LIMCH1: variants seen among roughly 807,000 people sequenced by gnomAD.
The protein encoded by LIMCH1 is LIM and calponin homology domains 1.
LIMCH1 carries 113 observed loss-of-function variants against 176.5 expected under a neutral mutation model. That is an observed-to-expected ratio of 0.64 (90% CI 0.55 to 0.75). The LOEUF (loss-of-function observed/expected upper bound fraction) is 0.75. Ranked by LOEUF, LIMCH1 falls within the 30% of genes least tolerant of loss-of-function variation. LIMCH1 has a pLI of 0.00. For synonymous variants in LIMCH1, 619 were observed against 645.9 expected, an observed-to-expected ratio of 0.96 and a Z score of 0.63; for missense variants, 1,674 against 1,814.9, an observed-to-expected ratio of 0.92 and a Z score of 1.41.
chr4:41,360,749 G>A, upstream of LIMCH1: 1 of 891,158 alleles, frequency 1.1e-6, no homozygotes, highest in Non-Finnish European at 1.6e-6. This position sits in a 1 kb window ranked among gnomAD's most constrained non-coding sequence, Gnocchi z 4.5. Flanking sequence ...GGGGAGGCCG[G>A]CGGGCGGGAA....
At chr4:41,588,372 T>A (rs1286300989) in intron 1 of LIMCH1, among the ~76,000 whole-genome samples, 1 of 152,094 alleles carries the variant, frequency 6.6e-6, no homozygotes, top group African/African-American at 2.4e-5. Context: ...AGGAGGCTTG[T>A]TCACACTTCT....
chr4:41,519,072 G>A (rs1179540276), intron 2 of LIMCH1, among the ~76,000 whole-genome samples: 3 of 152,118 alleles, frequency 2.0e-5, no homozygotes, highest in Non-Finnish European at 2.9e-5. Flanking sequence ...TTGAAAAATT[G>A]TTTCTTAATC....
intron 1 of LIMCH1, among the ~76,000 whole-genome samples, chr4:41,424,902 A>G (rs2060933350): frequency 6.6e-6 from 1 of 152,194 alleles, no homozygotes; most frequent in Non-Finnish European, 1.5e-5. Context: ...TCTGCAGCAA[A>G]GAGAAAATCA....
intron 13 of LIMCH1, among the ~76,000 whole-genome samples, chr4:41,637,005 C>T (rs1293988557): frequency 1.3e-5 from 2 of 152,202 alleles, no homozygotes; most frequent in Non-Finnish European, 2.9e-5. Context: ...CACAAAAACA[C>T]ATAGCAACTA....
At chr4:41,548,905 A>C (rs1455516101) in intron 1 of LIMCH1, among the ~76,000 whole-genome samples, 1 of 152,190 alleles carries the variant, frequency 6.6e-6, no homozygotes, top group East Asian at 1.9e-4. Context: ...CTCTGCCTCC[A>C]GAGCTGAGGG....
chr4:41,510,627 C>T (rs1294307787), intron 2 of LIMCH1, among the ~76,000 whole-genome samples: 3 of 151,718 alleles, frequency 2.0e-5, no homozygotes, highest in East Asian at 1.9e-4. Context: ...TCATTCTTGT[C>T]GCCTAGGCTG....
intron 8 of LIMCH1, 100 bp downstream of exon 8, chr4:41,627,110 A>G (rs1172052157): frequency 2.1e-6 from 3 of 1,405,456 alleles, no homozygotes; most frequent in Non-Finnish European, 2.8e-6. Flanking sequence ...TTTGTATTGT[A>G]CCCCCTCCAG....
intron 1 of LIMCH1, among the ~76,000 whole-genome samples, chr4:41,589,094 A>C (rs2087008052): frequency 6.6e-6 from 1 of 152,220 alleles, no homozygotes; most frequent in Non-Finnish European, 1.5e-5. Flanking sequence ...CTGGATCATG[A>C]AGGAAATAAG....
chr4:41,467,867 G>C (rs925766246), intron 1 of LIMCH1, among the ~76,000 whole-genome samples: 1 of 152,206 alleles, frequency 6.6e-6, no homozygotes, highest in East Asian at 1.9e-4. Flanking sequence ...GCTAGATAAT[G>C]CTCAACAGTG....
At chr4:41,656,348 T>G (rs1231123753) in intron 18 of LIMCH1, among the ~76,000 whole-genome samples, 1 of 152,232 alleles carries the variant, frequency 6.6e-6, no homozygotes, top group African/African-American at 2.4e-5. Flanking sequence ...CTTGAGAAAC[T>G]GGTTTTCTCC....
chr4:41,460,455 C>CATATATATATATATATATATAT lies in LIMCH1; in HGVS notation c.97-34079_97-34078insATATATATATATATATATATAT, dbSNP rs1302547339. ...GGTAAATTTGTTCCACTATAGTAAT[C>CATATATATATATATATATATAT]ATCTATATATATATATATATATATC... On this transcript the variant is annotated intron_variant, in intron 1 of 26. Transcript: ENST00000313860. Among the ~76,000 whole-genome samples the CATATATATATATATATATATAT allele has an allele frequency of 6.1e-3, 559 of 91,964 alleles. 13 individuals are homozygous for CATATATATATATATATATATAT. Among genetic ancestry groups the CATATATATATATATATATATAT allele is most frequent in the East Asian group, 0.013 (47 of 3,696 alleles). 60.3% of individuals were successfully genotyped at this position (91,964 alleles called of 152,430 possible).
chr4:41,652,606 C>T (rs972337782), intron 18 of LIMCH1, among the ~76,000 whole-genome samples: 1 of 152,184 alleles, frequency 6.6e-6, no homozygotes, highest in African/African-American at 2.4e-5. Context: ...ATTAATTAGA[C>T]ATAGGGGTGG....
rs1015667142 is a variant in LIMCH1 at position 41,671,436 on chromosome 4, A to G, written c.3398-118A>G. On this transcript the variant is annotated intron_variant, in intron 21 of 31. Transcript: ENST00000503057. ...CACACACACACACACACACACACAC[A>G]CACAAAATTGGTTTAAAGCTGATGT... 4 of 677,638 alleles carry G rather than the reference A, an allele frequency of 5.9e-6. No homozygotes were observed. In the African/African-American group the frequency reaches 7.3e-5, roughly 12 times the overall value. The allele number at this position is 677,638 out of a possible 1,614,324, so 42.0% of individuals were successfully genotyped here.
At chr4:41,537,865 G>C (rs1165490810), upstream of LIMCH1, among the ~76,000 whole-genome samples, 1 of 152,192 alleles carries the variant, frequency 6.6e-6, no homozygotes, top group East Asian at 1.9e-4. Flanking sequence ...ACTGAGACCA[G>C]AAGGCAGTGA....
intron 4 of LIMCH1, among the ~76,000 whole-genome samples, chr4:41,608,299 C>T (rs778895613): frequency 6.6e-6 from 1 of 152,188 alleles, no homozygotes; most frequent in Non-Finnish European, 1.5e-5. Context: ...TTACACACTA[C>T]ACACATAGCT....
chr4:41,457,079 T>C (rs2064700690), intron 1 of LIMCH1, among the ~76,000 whole-genome samples: 1 of 152,200 alleles, frequency 6.6e-6, no homozygotes, highest in Non-Finnish European at 1.5e-5. Context: ...TCAGAACTTA[T>C]ACTTTGGTTA....
chr4:41,591,774 A>G (rs2087616147), intron 1 of LIMCH1, among the ~76,000 whole-genome samples: 2 of 152,184 alleles, frequency 1.3e-5, no homozygotes, highest in African/African-American at 4.8e-5. Flanking sequence ...ATTTTCTGTG[A>G]ACGCAAATCC....
rs370064745 is a variant in LIMCH1, at chr4:41,397,375, GTT to G, written c.96+36442_96+36443del. On this transcript the variant is annotated intron_variant, in intron 1 of 26. Coordinates refer to the LIMCH1 transcript ENST00000313860. ...CTCGTTGTTTGAGACAGGTTTATTTGTTTTGTTTACAGCTGAAAGCATCCTAA... is the reference window on the plus strand; with the variant it reads ...CTCGTTGTTTGAGACAGGTTTATTTGTTGTTTACAGCTGAAAGCATCCTAA... 1.6e-4 allele frequency among the ~76,000 whole-genome samples: 24 copies of G among 152,172 alleles called. 1 individual carries two copies. The highest frequency in any genetic ancestry group is 5.5e-4 in the African/African-American group (23 of 41,514).
chr4:41,560,610 G>C (rs962376567), intron 1 of LIMCH1, among the ~76,000 whole-genome samples: 2 of 152,210 alleles, frequency 1.3e-5, no homozygotes, highest in African/African-American at 4.8e-5. Context: ...CTGAGGCTGG[G>C]CATGATGGCT....
Sources: allele counts gnomAD v4.1 joint callset (sites outside exome capture counted in the v4.1 genomes callset), GRCh38; gene constraint gnomAD v4.1.1; non-coding constraint Gnocchi (gnomAD v3.1); transcripts MANE v1.5; gene names NCBI Gene and HGNC (gene_info 2026-07-23, HGNC 2026-07-21).